Variants in RBM6 observed in about 807,000 individuals in gnomAD.
RBM6 encodes RNA-binding protein 6.
A neutral mutation model predicts 140.4 loss-of-function variants in RBM6; 23 were observed. The ratio of observed to expected loss-of-function variants is 0.16; its 90% CI spans 0.12 to 0.23. RBM6 has a LOEUF of 0.23. RBM6 is among the 10% of genes least tolerant of loss of function. RBM6 has a pLI of 1.00. For missense variants in RBM6, 1,139 were observed against 1,386.7 expected (o/e 0.82, Z 2.84); for synonymous variants, 439 against 475.6 (o/e 0.92, Z 1.00).
chr3:50,004,801 ACT>A (rs991137310), intron 6 of RBM6, among the ~76,000 whole-genome samples: 2 of 150,780 alleles, frequency 1.3e-5, no homozygotes, highest in East Asian at 2.0e-4. Context: ...AAAATAACAA[ACT>A]CTGTTCGTAA....
intron 1 of RBM6, among the ~76,000 whole-genome samples, chr3:49,943,316 T>C (rs1203791480): frequency 2.0e-5 from 3 of 151,916 alleles, no homozygotes; most frequent in Non-Finnish European, 4.4e-5. Context: ...TATTTATTTT[T>C]TTTTGAGACA....
chr3:50,047,519 C>T (rs2089278204), intron 6 of RBM6, among the ~76,000 whole-genome samples: 1 of 152,172 alleles, frequency 6.6e-6, no homozygotes, highest in Non-Finnish European at 1.5e-5. Flanking sequence ...CCCCTTTTCC[C>T]ACCTGTTCCT....
chr3:50,027,550 AG>A (rs1201664396), intron 6 of RBM6, among the ~76,000 whole-genome samples: 1 of 152,144 alleles, frequency 6.6e-6, no homozygotes, highest in African/African-American at 2.4e-5. Flanking sequence ...CTGTCTCTAT[AG>A]ATTTGCCTGC....
intron 6 of RBM6, among the ~76,000 whole-genome samples, chr3:50,040,269 A>G (rs2088805676): frequency 6.6e-6 from 1 of 151,504 alleles, no homozygotes; most frequent in Non-Finnish European, 1.5e-5. Context: ...ACACGGTGAA[A>G]CCCCATCTCT....
rs778603351 is a variant in RBM6, at chr3:50,062,041, A to G, written c.2519A>G (p.Lys840Arg). The stretch of plus-strand genomic sequence containing the variant: ...GAAAAAAAACCCACCAGTCAAGGAA[A>G]GTCAAGTAGCAAGAAGGAAATGTCT... ...IKEKKPTSQGKSSSKKEMSKR... is the reference protein window; with the variant it reads ...IKEKKPTSQGRSSSKKEMSKR... Residue 840 changes from lysine (K) to arginine (R), a missense_variant, in exon 15 of 21, where the codon AAG (lysine) becomes AGG (arginine). Lys to Arg is a conservative substitution (Grantham distance 26). This residue lies in a region of RBM6 where 163 missense variants were observed against 182.8 expected (regional missense o/e 0.89). Coordinates refer to ENST00000266022, the MANE Select transcript of RBM6 (RefSeq NM_005777.3). The G allele has an allele frequency of 1.2e-6, 2 of 1,614,142 alleles. No individual in the cohort carries two copies. The highest frequency in any genetic ancestry group is 2.2e-5 in the South Asian group (2 of 91,080).
intron 6 of RBM6, among the ~76,000 whole-genome samples, chr3:50,033,658 T>C (rs2088319599): frequency 1.3e-5 from 2 of 152,028 alleles, no homozygotes; most frequent in South Asian, 4.2e-4. Context: ...CTTTTTTTTC[T>C]TTTTTTGAGA....
chr3:49,957,395 C>T (rs1394606422), intron 1 of RBM6, among the ~76,000 whole-genome samples: 1 of 151,812 alleles, frequency 6.6e-6, no homozygotes, highest in Non-Finnish European at 1.5e-5. Context: ...ATCCTCCTGC[C>T]TCAGCCTCCC....
At chr3:50,060,804 T>A in intron 11 of RBM6, 152 bp from the exon 12 acceptor site, 1 of 472,384 alleles carries the variant, frequency 2.1e-6, no homozygotes, top group Non-Finnish European at 3.5e-6. Flanking sequence ...CTTTCAGGAG[T>A]GTCTGGACCA....
At chr3:49,969,910 A>G (rs2084706203) in intron 3 of RBM6, among the ~76,000 whole-genome samples, 1 of 151,630 alleles carries the variant, frequency 6.6e-6, no homozygotes, top group Admixed American at 6.6e-5. Flanking sequence ...CTGGGACTAC[A>G]GGTATATTTC....
intron 6 of RBM6, among the ~76,000 whole-genome samples, chr3:50,046,873 C>T (rs182371790): frequency 2.8e-4 from 42 of 152,336 alleles, no homozygotes; most frequent in Non-Finnish European, 2.9e-5. Flanking sequence ...GGTGACCCCA[C>T]CTCTGTGAAC....
At chr3:50,032,546 A>G (rs190482242) in intron 6 of RBM6, among the ~76,000 whole-genome samples, 3 of 151,834 alleles carry the variant, frequency 2.0e-5, no homozygotes, top group Non-Finnish European at 4.4e-5. Flanking sequence ...ACATTGGGAG[A>G]CTATTAGTAG....
rs1445475564 is a variant in RBM6 at position 50,057,811 on chromosome 3, C to A, written c.1777C>A (p.Gln593Lys). 1 of 1,613,794 alleles carries A rather than the reference C, an allele frequency of 6.2e-7. No homozygotes were observed. Among genetic ancestry groups the A allele is most frequent in the South Asian group, 1.1e-5 (1 of 91,054 alleles). ...IPAPLEKQPN[Q>K]PLRPADKEPE... is the part of the protein sequence containing the mutation. ...AGCACCATTGGAAAAACAGCCCAAC[C>A]AGCCCCTAAGACCAGCTGATAAGGA... Residue 593 changes from glutamine to lysine, a missense_variant, in exon 9 of 21, where the codon CAG becomes AAG. Coordinates refer to ENST00000266022, the MANE Select transcript of RBM6 (RefSeq NM_005777.3).
At chr3:49,984,611 A>ACATCGCATCGCATCGCATCG (rs72219946) in intron 5 of RBM6, among the ~76,000 whole-genome samples, 35 of 86,152 alleles carry the variant, frequency 4.1e-4, no homozygotes, top group Non-Finnish European at 3.6e-4. Context: ...ACATCACATC[A>ACATCGCATCGCATCGCATCG]CATCGCATCG....
At chr3:50,011,845 T>TA (rs1311916546) in intron 6 of RBM6, among the ~76,000 whole-genome samples, 1 of 151,674 alleles carries the variant, frequency 6.6e-6, no homozygotes, top group Admixed American at 6.6e-5. Flanking sequence ...CTTTCTTTTT[T>TA]TTTTTTTCTT....
chr3:49,941,975 C>A (rs1438248721), intron 1 of RBM6, among the ~76,000 whole-genome samples: 1 of 151,698 alleles, frequency 6.6e-6, no homozygotes, highest in Non-Finnish European at 1.5e-5. Flanking sequence ...TGGCATGCTC[C>A]TGTTAGCCCT....
rs1215040530 is a variant in RBM6 at position 49,982,384 on chromosome 3, A to G, written c.1483+6992A>G. Among the ~76,000 whole-genome samples the G allele has an allele frequency of 4.1e-5, 6 of 147,726 alleles. No individual in the cohort carries two copies. The Admixed American group carries it at 4.2e-4, about 10-fold the overall frequency. On this transcript the variant is annotated intron_variant, in intron 5 of 20. Transcript: ENST00000266022. Reference sequence around the variant, plus strand: ...TAGCTTCCTGAGTAGCTGGGACTACAGGCGTGTGCCACCATGCCTGGTTAA... The same window carrying G: ...TAGCTTCCTGAGTAGCTGGGACTACGGGCGTGTGCCACCATGCCTGGTTAA...
chr3:50,060,838 T>G, intron 11 of RBM6, 118 bp from the exon 12 acceptor site: 1 of 997,094 alleles, frequency 1.0e-6, no homozygotes, highest in African/African-American at 1.6e-5. Context: ...CTGTCTAGGT[T>G]GGTTCCTTTC....
Position 50,077,069 on chromosome 3 carries a change from C to T in RBM6, c.3308C>T (p.Ser1103Phe). The T allele has an allele frequency of 6.2e-7, 1 of 1,613,248 alleles. No homozygotes were observed. Among genetic ancestry groups the T allele is most frequent in the Middle Eastern group, 1.8e-4 (1 of 5,640 alleles). The change falls in exon 21 of 21, where the codon TCC becomes TTC. Residue 1103 changes from serine to phenylalanine, a missense_variant. Coordinates refer to ENST00000266022, the MANE Select transcript of RBM6 (RefSeq NM_005777.3). ...GASGRTSKRQSNETYRDAVRR... is the reference protein window; with the variant it reads ...GASGRTSKRQFNETYRDAVRR... ...TCAGGAAGAACCAGCAAAAGACAGT[C>T]CAACGAGACTTACCGAGATGCTGTT...
At chr3:50,040,092 C>A (rs1005180764) in intron 6 of RBM6, among the ~76,000 whole-genome samples, 7 of 151,988 alleles carry the variant, frequency 4.6e-5, no homozygotes, top group Non-Finnish European at 8.8e-5. Flanking sequence ...GCATGTAAGA[C>A]CTGCAAGGAG....
Sources: allele counts gnomAD v4.1 joint callset (sites outside exome capture counted in the v4.1 genomes callset), GRCh38; gene constraint gnomAD v4.1.1; regional missense constraint gnomAD v4.1.1; transcripts MANE v1.5; gene names NCBI Gene and HGNC (gene_info 2026-07-23, HGNC 2026-07-21).